C4orf50: variants seen among roughly 807,000 people sequenced by gnomAD.
C4orf50 encodes the protein uncharacterized protein C4orf50.
A neutral mutation model predicts 77.2 loss-of-function variants in C4orf50; 80 were observed. The observed-to-expected ratio is 1.04, with a 90% CI of 0.87 to 1.25. The LOEUF (loss-of-function observed/expected upper bound fraction) is 1.25, where lower values mean the gene tolerates loss of function less well. C4orf50 is among the 50% of genes most tolerant of loss of function. C4orf50 has a pLI of 0.00. For missense variants in C4orf50, 1,257 were observed against 1,152.9 expected (o/e 1.09, Z -1.31); for synonymous variants, 532 against 465.3 (o/e 1.14, Z -1.84).
intron 29 of C4orf50, among the ~76,000 whole-genome samples, chr4:5,977,117 G>A (rs537238300): frequency 1.2e-4 from 18 of 152,358 alleles, no homozygotes; most frequent in Admixed American, 4.6e-4. Context: ...GGGGCAGGAT[G>A]TGAGTGAGGC....
chr4:5,972,910 G>C (rs1188738387), intron 31 of C4orf50, among the ~76,000 whole-genome samples: 1 of 152,234 alleles, frequency 6.6e-6, no homozygotes, highest in African/African-American at 2.4e-5. Flanking sequence ...ATTTGTCCCT[G>C]TGTGCACTGC....
In C4orf50 at chr4:5,980,012, G is replaced by GT. The variant is rs1388179776; in HGVS notation, c.3864+161dup. ...GCAATCATAGAGCCTGTGGTTTTTT[G>GT]TTGTTTTTTTTTTCCTGGTACTGCC... On this transcript the variant is annotated intron_variant, in intron 29 of 33. Coordinates refer to ENST00000531445, the Ensembl canonical transcript of C4orf50. 1.7e-3 allele frequency among the ~76,000 whole-genome samples: 249 copies of GT among 150,866 alleles called. 7 individuals are homozygous for GT. The South Asian group carries it at 0.038, about 23-fold the overall frequency.
At chr4:5,903,327 A>T (rs543607378) in intron 7 of C4orf50, 3 of 152,204 alleles carry the variant, frequency 2.0e-5, no homozygotes, top group Admixed American at 1.3e-4. Flanking sequence ...AAAAAATGCA[A>T]CATAGGCATT....
chr4:5,980,430 A>G, intron 28 of C4orf50, 92 bp from the exon 7 acceptor site: 2 of 1,172,036 alleles, frequency 1.7e-6, no homozygotes, highest in African/African-American at 2.1e-5. Flanking sequence ...CCCACTCCGT[A>G]GTTTTTTTTT....
At chr4:5,943,278 C>T (rs1439303353) in intron 7 of C4orf50, among the ~76,000 whole-genome samples, 2 of 152,316 alleles carry the variant, frequency 1.3e-5, no homozygotes, top group East Asian at 1.9e-4. Flanking sequence ...ACAACAGAAC[C>T]GAACAGTATC....
downstream of C4orf50, among the ~76,000 whole-genome samples, chr4:5,952,981 G>A (rs1048560297): frequency 2.0e-5 from 3 of 152,254 alleles, no homozygotes; most frequent in Admixed American, 1.3e-4. This position sits in a 1 kb window ranked among gnomAD's most constrained non-coding sequence, Gnocchi z 4.4. Context: ...ACCAAAAGCT[G>A]CTGGGAGCCT....
chr4:6,011,768 G>A lies in C4orf50; in HGVS notation c.426+62C>T. 1 of 399,012 alleles carries A rather than the reference G, an allele frequency of 2.5e-6. No homozygotes were observed. The highest frequency in any genetic ancestry group is 4.4e-6 in the Non-Finnish European group (1 of 226,124). 24.7% of individuals were successfully genotyped at this position (399,012 alleles called of 1,614,324 possible). A position where few individuals can be genotyped will look rare whatever the true frequency, so the allele number is the denominator to read the frequency against. ...CTGTCTTTGCCCAACTGCAGCTGCTGCTGAGTTCCCACGGCTCTGCTGGAC... is the reference window on the plus strand; with the variant it reads ...CTGTCTTTGCCCAACTGCAGCTGCTACTGAGTTCCCACGGCTCTGCTGGAC... On this transcript the variant is annotated intron_variant, in intron 24 of 33. Coordinates refer to ENST00000531445, the Ensembl canonical transcript of C4orf50. The surrounding 1 kb of genome is among the most constrained non-coding windows in gnomAD (Gnocchi z 4.2).
chr4:5,988,178 C>T (rs1720984079), intron 28 of C4orf50, among the ~76,000 whole-genome samples, 169 bp downstream of exon 6: 1 of 152,226 alleles, frequency 6.6e-6, no homozygotes, highest in Non-Finnish European at 1.5e-5. Flanking sequence ...TATGTGACTG[C>T]AGTGACTGCA....
chr4:6,008,277 G>C lies in C4orf50; in HGVS notation c.682C>G (p.Pro228Ala), dbSNP rs1057156587. The change falls in exon 25 of 34, where the codon CCA becomes GCA. Residue 228 changes from proline to alanine, a missense_variant. Physicochemically the swap from Pro to Ala is conservative, Grantham distance 27. Transcript: ENST00000531445. The surrounding 1 kb of genome is among the most constrained non-coding windows in gnomAD (Gnocchi z 6.0). Reference sequence around the variant, plus strand: ...GCCTCGGTGGCGCCCTGGGAGCCTGGGGCCGCGGTGTCCCACTGGGCCAGC... The same window carrying C: ...GCCTCGGTGGCGCCCTGGGAGCCTGCGGCCGCGGTGTCCCACTGGGCCAGC... 4.3e-5 allele frequency: 17 copies of C among 391,442 alleles called. No individual in the cohort carries two copies. Among genetic ancestry groups the C allele is most frequent in the African/African-American group, 3.3e-4 (16 of 48,128 alleles). 24.2% of individuals were successfully genotyped at this position (391,442 alleles called of 1,614,324 possible).
chr4:5,959,575 C>T, exon 34 of C4orf50: 1 of 1,614,106 alleles, frequency 6.2e-7, no homozygotes, highest in Non-Finnish European at 8.5e-7. Context: ...TCCACAGTGA[C>T]CGCTGCCAGG....
At chr4:5,920,885 G>A (rs945707834) in intron 7 of C4orf50, among the ~76,000 whole-genome samples, 5 of 152,214 alleles carry the variant, frequency 3.3e-5, no homozygotes, top group African/African-American at 1.2e-4. Context: ...AGCTCCGAGG[G>A]GTACTAGATT....
chr4:5,965,048 CTG>C lies in C4orf50; in HGVS notation c.4249_4250del (p.Gln1417AspfsTer18), dbSNP rs1338560286. 1.2e-6 allele frequency: 2 copies of C among 1,613,144 alleles called. No individual in the cohort carries two copies. Among genetic ancestry groups the C allele is most frequent in the Non-Finnish European group, 1.7e-6 (2 of 1,179,512 alleles). ...CCTTCAGAGAATCCAGTTGGGCTGT[CTG>C]TGCTGGCCACTCCGGCTCGGGAATA... On this transcript the variant is annotated frameshift_variant, in exon 33 of 34. Coordinates refer to ENST00000531445, the Ensembl canonical transcript of C4orf50. LOFTEE classifies it low-confidence loss of function (END_TRUNC).
chr4:5,998,941 A>G (rs141857342), intron 25 of C4orf50, among the ~76,000 whole-genome samples: 35 of 152,306 alleles, frequency 2.3e-4, no homozygotes, highest in Admixed American at 2.3e-3. Context: ...TCCTCCCCAC[A>G]TCAGGGTTTG....
intron 28 of C4orf50, among the ~76,000 whole-genome samples, chr4:5,986,176 C>T (rs557744490): frequency 1.3e-5 from 2 of 152,230 alleles, no homozygotes; most frequent in South Asian, 4.2e-4. Flanking sequence ...AATTGATATA[C>T]AACAATCAAA....
At chr4:6,002,504 A>AC (rs1721875291) in intron 25 of C4orf50, among the ~76,000 whole-genome samples, 1 of 152,150 alleles carries the variant, frequency 6.6e-6, no homozygotes, top group South Asian at 2.1e-4. Flanking sequence ...CCCCGGGAAT[A>AC]CCCCAGGTGA....
At chr4:5,933,136 G>T (rs1717840434) in intron 7 of C4orf50, among the ~76,000 whole-genome samples, 1 of 152,180 alleles carries the variant, frequency 6.6e-6, no homozygotes. Flanking sequence ...TCTGCCTCTG[G>T]ATCTTTTCTT....
intron 25 of C4orf50, among the ~76,000 whole-genome samples, chr4:6,001,853 C>T (rs766362688): frequency 4.6e-5 from 7 of 152,206 alleles, no homozygotes; most frequent in Non-Finnish European, 1.0e-4. Flanking sequence ...CAGCAAACAC[C>T]GGGAAGGCAG....
intron 25 of C4orf50, among the ~76,000 whole-genome samples, chr4:6,006,343 G>C (rs1043019780): frequency 4.6e-5 from 7 of 152,192 alleles, no homozygotes; most frequent in Admixed American, 4.6e-4. Context: ...GAGCCACAGC[G>C]GGGAGGCAGG....
chr4:5,993,349 C>T (rs1721400571), intron 26 of C4orf50, among the ~76,000 whole-genome samples: 1 of 152,232 alleles, frequency 6.6e-6, no homozygotes, highest in South Asian at 2.1e-4. Context: ...AGGGAAAACG[C>T]TGGTTGCATC....
Sources: gnomAD v4.1 joint callset for allele counts (sites outside exome capture counted in the v4.1 genomes callset) on GRCh38, gnomAD v4.1.1 for gene constraint, Gnocchi (gnomAD v3.1) non-coding constraint, MANE v1.5 for transcripts, NCBI Gene and HGNC (gene_info 2026-07-23, HGNC 2026-07-21) for gene names.